The following NRBF2 variants were observed in gnomAD, a reference collection of about 807,000 sequenced individuals.
The protein encoded by NRBF2 is nuclear receptor binding factor 2.
Under a neutral mutation model 28.5 loss-of-function variants are expected in NRBF2, and 12 were observed. That is an observed-to-expected ratio of 0.42 (90% CI 0.27 to 0.68). NRBF2 has a LOEUF of 0.68. NRBF2 is among the 30% of genes least tolerant of loss of function. The probability of loss-of-function intolerance (pLI) is 0.24; values close to 1 mark genes in which losing one functional copy is unlikely to be tolerated. For missense variants in NRBF2, 274 were observed against 333.5 expected, an observed-to-expected ratio of 0.82 and a Z score of 1.39; for synonymous variants, 102 against 116.5, an observed-to-expected ratio of 0.88 and a Z score of 0.80.
rs1191486339 is a variant in NRBF2, at chr10:63,133,431, A to G, written c.-40A>G. ...AGTCCCCTCCATGTTCCCCGGCGCCACTACTCCCCTTCCTAAGGCCGCCGC... is the reference window on the plus strand; with the variant it reads ...AGTCCCCTCCATGTTCCCCGGCGCCGCTACTCCCCTTCCTAAGGCCGCCGC... On this transcript the variant is annotated 5_prime_UTR_variant, in exon 1 of 4. Coordinates refer to ENST00000277746, the MANE Select transcript of NRBF2 (RefSeq NM_030759.5). 1 of 1,610,444 alleles carries G rather than the reference A, an allele frequency of 6.2e-7. No individual in the cohort carries two copies.
At chr10:63,145,452 G>T (rs1052041643) in intron 1 of NRBF2, among the ~76,000 whole-genome samples, 1 of 151,976 alleles carries the variant, frequency 6.6e-6, no homozygotes, top group Admixed American at 6.6e-5. Flanking sequence ...CAGATGATCC[G>T]CCTGCCTCAG....
chr10:63,142,302 G>GTTT lies in NRBF2; in HGVS notation c.31-3901_31-3899dup, dbSNP rs141743950. ...CTGAATCAGAACCTTTGTTTTTTTT[G>GTTT]TTTTTTTTGTTTTTTTTTGAGATGG... is the stretch of plus-strand genomic sequence containing the variant. On this transcript the variant is annotated intron_variant, in intron 1 of 3. Coordinates refer to ENST00000277746, the MANE Select transcript of NRBF2 (RefSeq NM_030759.5). Among the ~76,000 whole-genome samples the GTTT allele has an allele frequency of 8.3e-5, 11 of 133,190 alleles. 1 individual carries two copies. The highest frequency in any genetic ancestry group is 1.3e-4 in the Non-Finnish European group (8 of 59,560). 87.4% of individuals were successfully genotyped at this position (133,190 alleles called of 152,430 possible).
At chr10:63,143,944 G>A (rs1301717009) in intron 1 of NRBF2, among the ~76,000 whole-genome samples, 3 of 151,812 alleles carry the variant, frequency 2.0e-5, no homozygotes, top group Non-Finnish European at 4.4e-5. Context: ...TTTTTGTAGA[G>A]ATGGGTTTTC....
intron 1 of NRBF2, among the ~76,000 whole-genome samples, chr10:63,144,785 T>C (rs1196556948): frequency 6.6e-6 from 1 of 152,224 alleles, no homozygotes; most frequent in Non-Finnish European, 1.5e-5. Context: ...CATCTATCTG[T>C]TGATGGACAT....
At chr10:63,152,095 C>T (rs1841660581) in intron 2 of NRBF2, 55 bp from the exon 3 acceptor site, 3 of 1,277,878 alleles carry the variant, frequency 2.3e-6, no homozygotes, top group Non-Finnish European at 2.3e-6. Context: ...TTCCTTTTAC[C>T]TGTTAATTAC....
intron 1 of NRBF2, among the ~76,000 whole-genome samples, chr10:63,144,674 C>G (rs1045118281): frequency 3.9e-5 from 6 of 152,090 alleles, no homozygotes; most frequent in African/African-American, 1.4e-4. Context: ...CCTCGGCCTC[C>G]AAAAGTGCTA....
At chr10:63,137,190 G>A (rs1841390538) in intron 1 of NRBF2, among the ~76,000 whole-genome samples, 1 of 152,164 alleles carries the variant, frequency 6.6e-6, no homozygotes, top group Non-Finnish European at 1.5e-5. Flanking sequence ...GCCCAAGCTG[G>A]TCTTGAACTC....
rs373357373 is a variant in NRBF2 at position 63,153,886 on chromosome 10, T to C, written c.532T>C (p.Leu178=). Residue 178 remains leucine (L), a synonymous_variant, in exon 4 of 4, where the codon TTG becomes CTG. Transcript: ENST00000277746. ...GGAGCAGGCAACCAAAATTGCAGAT[T>C]TGAAGAGGCATGTGGAATTCCTTGT... is the stretch of plus-strand genomic sequence containing the variant. ...IEEQATKIAD[L]KRHVEFLVAE... is the part of the protein sequence containing the mutation. The C allele has an allele frequency of 4.9e-5, 79 of 1,612,084 alleles. No homozygotes were observed. In the East Asian group the frequency reaches 7.6e-4, roughly 15 times the overall value.
chr10:63,142,263 G>A (rs528211248), intron 1 of NRBF2, among the ~76,000 whole-genome samples: 186 of 151,332 alleles, frequency 1.2e-3, no homozygotes, highest in East Asian at 4.3e-3. Context: ...ATCTCAAGCC[G>A]TACTCCAAAC....
At chr10:63,144,176 A>G (rs1360697946) in intron 1 of NRBF2, among the ~76,000 whole-genome samples, 12 of 152,100 alleles carry the variant, frequency 7.9e-5, no homozygotes, top group Admixed American at 3.3e-4. Flanking sequence ...AAATGTCCAG[A>G]ATTTTTTCAT....
chr10:63,143,905 C>T (rs764316642), intron 1 of NRBF2, among the ~76,000 whole-genome samples: 7 of 151,674 alleles, frequency 4.6e-5, no homozygotes, highest in African/African-American at 1.5e-4. Flanking sequence ...ACTACAGGTG[C>T]GAGCGCCACA....
At chr10:63,146,006 G>T (rs1191989014) in intron 1 of NRBF2, among the ~76,000 whole-genome samples, 3 of 152,214 alleles carry the variant, frequency 2.0e-5, no homozygotes, top group Non-Finnish European at 2.9e-5. Context: ...TGGTAGAAGT[G>T]AAAGAAGTTG....
intron 2 of NRBF2, among the ~76,000 whole-genome samples, chr10:63,147,559 G>C (rs994086353): frequency 6.6e-6 from 1 of 150,412 alleles, no homozygotes; most frequent in South Asian, 2.1e-4. Context: ...TGATTGACCC[G>C]CCTTGGCCTC....
At chr10:63,145,257 G>T (rs538803192) in intron 1 of NRBF2, among the ~76,000 whole-genome samples, 1 of 152,138 alleles carries the variant, frequency 6.6e-6, no homozygotes. Context: ...ACAGGCGCCC[G>T]CAGAGACGGT....
chr10:63,145,974 G>A (rs1402402919), intron 1 of NRBF2, among the ~76,000 whole-genome samples: 1 of 152,174 alleles, frequency 6.6e-6, no homozygotes, highest in Non-Finnish European at 1.5e-5. Flanking sequence ...TAAGTGCCTG[G>A]TGTTAACCTT....
intron 2 of NRBF2, among the ~76,000 whole-genome samples, chr10:63,149,109 T>A (rs899130673): frequency 1.3e-5 from 2 of 152,276 alleles, no homozygotes; most frequent in Non-Finnish European, 2.9e-5. Context: ...GAGTAATAGA[T>A]GTTACTATTT....
chr10:63,152,998 A>G (rs1470065967), intron 3 of NRBF2, among the ~76,000 whole-genome samples: 1 of 151,558 alleles, frequency 6.6e-6, no homozygotes, highest in Non-Finnish European at 1.5e-5. Flanking sequence ...TCTCTAAAAT[A>G]AATATATATA....
intron 2 of NRBF2, among the ~76,000 whole-genome samples, chr10:63,148,949 G>C (rs1232984395): frequency 1.3e-5 from 2 of 152,188 alleles, no homozygotes; most frequent in Admixed American, 6.5e-5. Flanking sequence ...ACAGTATTTG[G>C]ATGGATTTGA....
intron 2 of NRBF2, among the ~76,000 whole-genome samples, chr10:63,146,723 G>A (rs1014859706): frequency 6.6e-6 from 1 of 152,134 alleles, no homozygotes; most frequent in Non-Finnish European, 1.5e-5. Flanking sequence ...CTTACTATAA[G>A]ACTTTTGTTA....
Sources: allele counts gnomAD v4.1 joint callset (sites outside exome capture counted in the v4.1 genomes callset), GRCh38; gene constraint gnomAD v4.1.1; transcripts MANE v1.5; gene names NCBI Gene and HGNC (gene_info 2026-07-23, HGNC 2026-07-21).